Variants in SMARCC1 observed in about 807,000 individuals in gnomAD.
SMARCC1 encodes SWI/SNF related BAF chromatin remodeling complex subunit C1, also known as SWI/SNF complex subunit SMARCC1.
A neutral mutation model predicts 147.4 loss-of-function variants in SMARCC1; 43 were observed. The observed-to-expected ratio is 0.29, with a 90% confidence interval of 0.23 to 0.38. SMARCC1 has a LOEUF of 0.38. Among genes scored for constraint, SMARCC1 ranks in the 10% least tolerant of loss-of-function variants. The pLI is 1.00. For synonymous variants in SMARCC1, 495 were observed against 484.4 expected (o/e 1.02, Z -0.29); for missense variants, 1,119 against 1,381.1 (o/e 0.81, Z 3.01).
At chr3:47,668,109 C>T (rs148720131) in intron 19 of SMARCC1, among the ~76,000 whole-genome samples, 121 of 152,200 alleles carry the variant, frequency 8.0e-4, no homozygotes, top group African/African-American at 2.7e-3. Flanking sequence ...AATAGAGTGG[C>T]TCCATTATCT....
chr3:47,746,940 G>A (rs1270122871), intron 2 of SMARCC1, among the ~76,000 whole-genome samples: 1 of 151,884 alleles, frequency 6.6e-6, no homozygotes, highest in South Asian at 2.1e-4. Context: ...ATGTTGGCCA[G>A]GCTGGTCTCG....
chr3:47,734,503 C>T (rs929091841), intron 5 of SMARCC1, among the ~76,000 whole-genome samples: 5 of 152,178 alleles, frequency 3.3e-5, no homozygotes, highest in African/African-American at 1.2e-4. Flanking sequence ...GAAAAAAAGA[C>T]ATTTCATGAG....
At chr3:47,607,158 A>C (rs2032489190) in intron 26 of SMARCC1, among the ~76,000 whole-genome samples, 1 of 152,222 alleles carries the variant, frequency 6.6e-6, no homozygotes, top group Non-Finnish European at 1.5e-5. Flanking sequence ...AAGTAGACAG[A>C]AATAAGACTG....
At chr3:47,777,506 C>A (rs1194431363) in intron 1 of SMARCC1, among the ~76,000 whole-genome samples, 2 of 152,054 alleles carry the variant, frequency 1.3e-5, no homozygotes, top group Non-Finnish European at 2.9e-5. Flanking sequence ...CCAGTCTGGG[C>A]AACACAGTAA....
At chr3:47,742,552 T>C (rs1441378463) in intron 3 of SMARCC1, among the ~76,000 whole-genome samples, 1 of 152,188 alleles carries the variant, frequency 6.6e-6, no homozygotes, top group Non-Finnish European at 1.5e-5. Context: ...TTTAGAAACA[T>C]CCAGAAAGAT....
rs1342635863 is a variant in SMARCC1 at position 47,586,730 on chromosome 3, TTGAGAATGTGAAG to T, written c.*1466_*1478del. 1 of 152,476 alleles carries T rather than the reference TTGAGAATGTGAAG, an allele frequency of 6.6e-6. No homozygotes were observed. The highest frequency in any genetic ancestry group is 2.4e-5 in the African/African-American group (1 of 41,390). 9.4% of individuals were successfully genotyped at this position (152,476 alleles called of 1,614,324 possible). A position where few individuals can be genotyped will look rare whatever the true frequency, so the allele number is the denominator to read the frequency against. ...GCATTCTAAATAATGAAACTGCCAC[TTGAGAATGTGAAG>T]TGAGAAAGCCAGGCGCTTTGGAAAC... On this transcript the variant is annotated 3_prime_UTR_variant, in exon 28 of 28. Coordinates refer to ENST00000254480, the MANE Select transcript of SMARCC1 (RefSeq NM_003074.4).
chr3:47,670,749 A>C, intron 18 of SMARCC1, 32 bp from the exon 19 acceptor site: 1 of 1,340,616 alleles, frequency 7.5e-7, no homozygotes, highest in South Asian at 1.2e-5. Context: ...TTATTTGCTC[A>C]TTTTTAAATG....
intron 5 of SMARCC1, among the ~76,000 whole-genome samples, chr3:47,733,956 T>A (rs1043170212): frequency 3.3e-5 from 5 of 151,504 alleles, no homozygotes; most frequent in Non-Finnish European, 7.4e-5. Context: ...TATACATGTA[T>A]ACACATATAT....
intron 2 of SMARCC1, among the ~76,000 whole-genome samples, chr3:47,756,267 C>T (rs2034696031): frequency 6.6e-6 from 1 of 151,986 alleles, no homozygotes; most frequent in African/African-American, 2.4e-5. Flanking sequence ...GGCGTGGTGG[C>T]TCATGCCTGT....
chr3:47,713,538 G>A (rs2034117032), intron 8 of SMARCC1, among the ~76,000 whole-genome samples: 3 of 151,880 alleles, frequency 2.0e-5, no homozygotes, highest in Admixed American at 2.0e-4. Context: ...CAATCCTCCT[G>A]CCTCAGCCTT....
chr3:47,693,317 A>C lies in SMARCC1; in HGVS notation c.1166-17T>G, dbSNP rs2033812434. Reference sequence around the variant, plus strand: ...TTAGGTTCACTAGAAAAAGAAAAAAAAGAGTTATGTTTATGTGGGAAAAGT... The same window carrying C: ...TTAGGTTCACTAGAAAAAGAAAAAACAGAGTTATGTTTATGTGGGAAAAGT... On this transcript the variant is annotated splice_polypyrimidine_tract_variant and intron_variant, in intron 11 of 27. Coordinates refer to ENST00000254480, the MANE Select transcript of SMARCC1 (RefSeq NM_003074.4). The C allele has an allele frequency of 6.9e-7, 1 of 1,448,186 alleles. No individual in the cohort carries two copies. Among genetic ancestry groups the C allele is most frequent in the South Asian group, 1.2e-5 (1 of 86,814 alleles). The allele number at this position is 1,448,186 out of a possible 1,614,324, so 89.7% of individuals were successfully genotyped here.
At chr3:47,779,251 AAAAT>A (rs567859251) in intron 1 of SMARCC1, among the ~76,000 whole-genome samples, 16 of 152,324 alleles carry the variant, frequency 1.1e-4, no homozygotes, top group Non-Finnish European at 1.9e-4. Context: ...AAGTAAAATA[AAAAT>A]AAATAAAAAA....
intron 2 of SMARCC1, among the ~76,000 whole-genome samples, chr3:47,755,268 T>A (rs2034681850): frequency 6.7e-6 from 1 of 149,584 alleles, no homozygotes; most frequent in South Asian, 2.1e-4. Context: ...TTTTGGAGGC[T>A]GAGGCGGGCT....
At chr3:47,729,451 T>C (rs1294870759) in intron 5 of SMARCC1, among the ~76,000 whole-genome samples, 2 of 152,160 alleles carry the variant, frequency 1.3e-5, no homozygotes, top group Non-Finnish European at 2.9e-5. Context: ...AGCACAATCT[T>C]GGCTCACTGC....
intron 9 of SMARCC1, among the ~76,000 whole-genome samples, chr3:47,707,644 C>T (rs2034010202): frequency 1.3e-5 from 2 of 151,892 alleles, no homozygotes; most frequent in Admixed American, 1.3e-4. Flanking sequence ...GAGGCCGAGG[C>T]GGGGGGAATG....
At position 47,753,970 on chromosome 3, in the gene SMARCC1, C is replaced by A. The variant is rs138197483; in HGVS notation, c.316-7977G>T. On this transcript the variant is annotated intron_variant, in intron 2 of 27. Transcript: ENST00000254480. ...AATACATCATTTAAATTCCAGAATT[C>A]TTATACCTCACAAAATAAAATGACA... Among the ~76,000 whole-genome samples, 107 of 152,210 alleles carry A rather than the reference C, an allele frequency of 7.0e-4. 1 individual carries two copies. The highest frequency in any genetic ancestry group is 2.5e-3 in the African/African-American group (103 of 41,548).
In SMARCC1 at chr3:47,636,014, C is replaced by A; in HGVS notation, c.2491+8G>T. On this transcript the variant is annotated splice_region_variant and intron_variant, in intron 23 of 27. Transcript: ENST00000254480. ...CATAATAATATCTAAGGAGTTTCCT[C>A]AAATTACCTGATTTGGTATCCTCAC... The A allele has an allele frequency of 1.4e-6, 2 of 1,394,672 alleles. No individual in the cohort carries two copies. Among genetic ancestry groups the A allele is most frequent in the Non-Finnish European group, 2.0e-6 (2 of 991,460 alleles). 86.4% of individuals were successfully genotyped at this position (1,394,672 alleles called of 1,614,324 possible). A position where few individuals can be genotyped will look rare whatever the true frequency, so the allele number is the denominator to read the frequency against.
intron 17 of SMARCC1, 28 bp from the exon 18 acceptor site, chr3:47,675,616 A>C (rs779558839): frequency 2.5e-6 from 3 of 1,219,224 alleles, no homozygotes; most frequent in Non-Finnish European, 3.7e-6. Context: ...TAAATGGCTG[A>C]GTTAGCCTCT....
At chr3:47,732,835 C>T (rs145361987) in intron 5 of SMARCC1, among the ~76,000 whole-genome samples, 4 of 152,030 alleles carry the variant, frequency 2.6e-5, no homozygotes, top group South Asian at 2.1e-4. Context: ...GTAAGCCAGG[C>T]GCGGTGGCTC....
Sources: allele counts gnomAD v4.1 joint callset (sites outside exome capture counted in the v4.1 genomes callset), GRCh38; gene constraint gnomAD v4.1.1; transcripts MANE v1.5; gene names NCBI Gene and HGNC (gene_info 2026-07-23, HGNC 2026-07-21).